PALS1: variants seen among roughly 807,000 people sequenced by gnomAD.
PALS1 encodes protein associated with LIN7 1, MAGUK p55 family member, also known as protein PALS1.
PALS1 carries 31 observed loss-of-function variants against 78.9 expected under a neutral mutation model. The ratio of observed to expected loss-of-function variants is 0.39; its 90% CI spans 0.30 to 0.53. The LOEUF (loss-of-function observed/expected upper bound fraction) is 0.53. Ranked by LOEUF, PALS1 falls within the 20% of genes least tolerant of loss-of-function variation. The pLI, the probability that PALS1 is intolerant of heterozygous loss-of-function variation, is 0.67. For missense variants in PALS1, 704 were observed against 826.5 expected, an observed-to-expected ratio of 0.85 and a Z score of 1.82; for synonymous variants, 276 against 270.9, an observed-to-expected ratio of 1.02 and a Z score of -0.18.
At chr14:67,262,967 A>T (rs921015121) in intron 1 of PALS1, among the ~76,000 whole-genome samples, 1 of 152,180 alleles carries the variant, frequency 6.6e-6, no homozygotes, top group African/African-American at 2.4e-5. Flanking sequence ...TTTAAAAAAA[A>T]CTTTGCTAGC....
intron 4 of PALS1, among the ~76,000 whole-genome samples, chr14:67,299,202 T>C (rs73282734): frequency 0.15 from 23,514 of 152,156 alleles, 3,420 homozygotes; most frequent in East Asian, 0.42. Context: ...TCTCTATCTT[T>C]TGTGAAATAT....
At chr14:67,295,735 A>C (rs1257022265) in intron 4 of PALS1, among the ~76,000 whole-genome samples, 1 of 152,226 alleles carries the variant, frequency 6.6e-6, no homozygotes, top group Non-Finnish European at 1.5e-5. Context: ...CTTATGGAAC[A>C]ACTGAAACTC....
chr14:67,247,258 AATT>A (rs1285680127), intron 1 of PALS1, among the ~76,000 whole-genome samples: 1 of 152,162 alleles, frequency 6.6e-6, no homozygotes, highest in African/African-American at 2.4e-5. Flanking sequence ...GTCTATACCT[AATT>A]ATTTTAATTT....
intron 1 of PALS1, among the ~76,000 whole-genome samples, chr14:67,257,599 A>T: frequency 6.7e-6 from 1 of 148,922 alleles, no homozygotes; most frequent in Non-Finnish European, 1.5e-5. Context: ...ACAGATAACT[A>T]AAAAAAAAAG....
intron 2 of PALS1, among the ~76,000 whole-genome samples, chr14:67,276,279 A>G (rs1451336115): frequency 6.6e-6 from 1 of 152,026 alleles, no homozygotes; most frequent in East Asian, 1.9e-4. Context: ...GCATGTTCCC[A>G]TTGTCCCATC....
intron 13 of PALS1, among the ~76,000 whole-genome samples, chr14:67,321,800 T>A (rs8015302): frequency 0.15 from 23,543 of 152,136 alleles, 3,442 homozygotes; most frequent in East Asian, 0.42. Flanking sequence ...AGAGATGTTC[T>A]GCTTGTATAT....
chr14:67,279,518 T>A lies in PALS1; in HGVS notation c.348T>A (p.His116Gln). Residue 116 changes from histidine to glutamine, a missense_variant, in exon 3 of 15, where the codon CAT (histidine) becomes CAA (glutamine). Transcript: ENST00000261681. ...AAGGAATTGTCTTAGAAAGTCCTCATTATGCTGTGAAAATATTAGGTAAGT... is the reference window on the plus strand; with the variant it reads ...AAGGAATTGTCTTAGAAAGTCCTCAATATGCTGTGAAAATATTAGGTAAGT... The part of the protein sequence containing the change: ...TEEGIVLESP[H>Q]YAVKILEIED... The A allele has an allele frequency of 6.5e-7, 1 of 1,539,006 alleles. No individual in the cohort carries two copies. The highest frequency in any genetic ancestry group is 2.3e-5 in the East Asian group (1 of 44,128).
intron 14 of PALS1, among the ~76,000 whole-genome samples, chr14:67,327,848 ATGGTGT>A (rs2085382257): frequency 6.6e-6 from 1 of 152,178 alleles, no homozygotes; most frequent in African/African-American, 2.4e-5. Flanking sequence ...ATAGTATTCC[ATGGTGT>A]ATATGTGCCA....
intron 14 of PALS1, among the ~76,000 whole-genome samples, chr14:67,331,022 ACTT>A (rs1217962214): frequency 6.6e-6 from 1 of 151,466 alleles, no homozygotes; most frequent in Non-Finnish European, 1.5e-5. Context: ...TATTTATTCT[ACTT>A]AAGTTTTTTT....
Position 67,312,551 on chromosome 14 carries a change from T to C in PALS1, c.1066T>C (p.Tyr356His). Residue 356 changes from tyrosine (Y) to histidine (H), a missense_variant, in exon 9 of 15, where the codon TAT becomes CAT. By Grantham distance (83) the Tyr-to-His change is moderately conservative. Transcript: ENST00000261681. ...GATCCATGTAAAAGCTCATTTTGAC[T>C]ATGACCCCTCAGATGACCCTTATGT... The part of the protein sequence containing the change: ...TVIHVKAHFD[Y>H]DPSDDPYVPC... 6.3e-7 allele frequency: 1 copy of C among 1,596,208 alleles called. No homozygotes were observed. Among genetic ancestry groups the C allele is most frequent in the Admixed American group, 1.7e-5 (1 of 58,918 alleles).
intron 14 of PALS1, 39 bp downstream of exon 14, chr14:67,323,851 A>C (rs747690987): frequency 2.9e-5 from 30 of 1,028,648 alleles, no homozygotes; most frequent in Non-Finnish European, 3.2e-5. Context: ...CATTGAAGGT[A>C]AACATGAAAC....
At chr14:67,267,611 A>G (rs1350098193) in intron 1 of PALS1, among the ~76,000 whole-genome samples, 6 of 152,206 alleles carry the variant, frequency 3.9e-5, no homozygotes, top group Non-Finnish European at 8.8e-5. Flanking sequence ...ATTGAGGTAT[A>G]ATTTATATTT....
chr14:67,296,368 A>G (rs778913178), intron 4 of PALS1, among the ~76,000 whole-genome samples: 11 of 152,030 alleles, frequency 7.2e-5, no homozygotes, highest in East Asian at 1.9e-4. Flanking sequence ...TGGGAGGCCA[A>G]GGTGGGCAGA....
chr14:67,330,393 C>T (rs553749404), intron 14 of PALS1, among the ~76,000 whole-genome samples: 8 of 151,384 alleles, frequency 5.3e-5, no homozygotes, highest in East Asian at 1.9e-4. Flanking sequence ...AGTTGCATCC[C>T]GTAAGTTTTG....
intron 8 of PALS1, among the ~76,000 whole-genome samples, 170 bp from the exon 9 acceptor site, chr14:67,312,357 C>A (rs1311395148): frequency 6.6e-6 from 1 of 152,062 alleles, no homozygotes; most frequent in Non-Finnish European, 1.5e-5. Context: ...GGAGAAGGAT[C>A]GCTTGAGGCT....
intron 1 of PALS1, among the ~76,000 whole-genome samples, chr14:67,249,894 A>G (rs555616584): frequency 2.0e-4 from 30 of 152,352 alleles, no homozygotes; most frequent in African/African-American, 6.0e-4. Context: ...CTATGAATGT[A>G]GTGAGCTAGG....
chr14:67,299,216 GT>G (rs1352664368), intron 4 of PALS1, among the ~76,000 whole-genome samples: 1 of 152,062 alleles, frequency 6.6e-6, no homozygotes, highest in Non-Finnish European at 1.5e-5. Flanking sequence ...GAAATATCCG[GT>G]TAGATCTTAT....
At chr14:67,298,330 A>T (rs939349070) in intron 4 of PALS1, among the ~76,000 whole-genome samples, 1 of 152,086 alleles carries the variant, frequency 6.6e-6, no homozygotes, top group Non-Finnish European at 1.5e-5. Context: ...TCTGGCCAAC[A>T]TGGTGAAACC....
chr14:67,302,447 T>A lies in PALS1; in HGVS notation c.839T>A (p.Ile280Asn). ...TVRNEMDSVI[I>N]SRIVKGGAAE... ...CGTAATGAAATGGACTCTGTCATCA[T>A]TAGCCGGATAGTAAAAGGGGGTGCT... Residue 280 changes from isoleucine (I) to asparagine (N), a missense_variant, in exon 7 of 15, where the codon ATT becomes AAT. Ile to Asn is a moderately radical substitution (Grantham distance 149). Coordinates refer to ENST00000261681, the MANE Select transcript of PALS1 (RefSeq NM_022474.4). The A allele has an allele frequency of 6.3e-7, 1 of 1,599,158 alleles. No homozygotes were observed. Among genetic ancestry groups the A allele is most frequent in the Non-Finnish European group, 8.5e-7 (1 of 1,172,396 alleles).
Sources: gnomAD v4.1 joint callset for allele counts (sites outside exome capture counted in the v4.1 genomes callset) on GRCh38, gnomAD v4.1.1 for gene constraint, MANE v1.5 for transcripts, NCBI Gene and HGNC (gene_info 2026-07-23, HGNC 2026-07-21) for gene names.